The following OSBPL8 variants were observed in gnomAD, a reference collection of about 807,000 sequenced individuals.
OSBPL8 encodes the protein oxysterol binding protein like 8.
Under a neutral mutation model 125.5 loss-of-function variants are expected in OSBPL8, and 59 were observed. The ratio of observed to expected loss-of-function variants is 0.47; its 90% CI spans 0.38 to 0.58. OSBPL8 has a LOEUF of 0.58. Among genes scored for constraint, OSBPL8 ranks in the 20% least tolerant of loss-of-function variants. The pLI, the probability that OSBPL8 is intolerant of heterozygous loss-of-function variation, is 0.00. For synonymous variants in OSBPL8, 330 were observed against 338.9 expected, an observed-to-expected ratio of 0.97 and a Z score of 0.29; for missense variants, 758 against 1,047.8, an observed-to-expected ratio of 0.72 and a Z score of 3.82.
intron 4 of OSBPL8, among the ~76,000 whole-genome samples, chr12:76,449,247 GA>G (rs1376728313): frequency 6.6e-6 from 1 of 152,132 alleles, no homozygotes; most frequent in Non-Finnish European, 1.5e-5. Flanking sequence ...TTTAAAAGCA[GA>G]AGTCCTTCCA....
intron 1 of OSBPL8, among the ~76,000 whole-genome samples, chr12:76,533,611 C>T (rs960051552): frequency 6.6e-6 from 1 of 152,102 alleles, no homozygotes; most frequent in Non-Finnish European, 1.5e-5. Context: ...AACGATCAGT[C>T]TATATCAACA....
intron 21 of OSBPL8, chr12:76,366,593 T>A (rs1377026982): frequency 8.9e-6 from 4 of 449,704 alleles, no homozygotes; most frequent in Admixed American, 2.4e-5. Context: ...TTGGGTTTAG[T>A]TTTTTCTTCT....
Position 76,392,615 on chromosome 12 carries a change from G to A in OSBPL8, c.895C>T (p.Arg299Cys), listed in dbSNP as rs1204135289. The A allele has an allele frequency of 1.2e-6, 2 of 1,613,686 alleles. No homozygotes were observed. Among genetic ancestry groups the A allele is most frequent in the Non-Finnish European group, 1.7e-6 (2 of 1,179,694 alleles). Residue 299 changes from arginine (R) to cysteine (C), a missense_variant, in exon 10 of 24, where the codon CGT becomes TGT. Physicochemically the swap from Arg to Cys is radical, Grantham distance 180. Coordinates refer to ENST00000261183, the MANE Select transcript of OSBPL8 (RefSeq NM_020841.5). Reference sequence around the variant, plus strand: ...TCACCACTGTGGAGATTGTTAGCACGTAGTAAGCCATAGAAAGTCACATGT... The same window carrying A: ...TCACCACTGTGGAGATTGTTAGCACATAGTAAGCCATAGAAAGTCACATGT... The part of the protein sequence containing the change: ...STHVTFYGLL[R>C]ANNLHSGDNF...
intron 1 of OSBPL8, among the ~76,000 whole-genome samples, chr12:76,509,923 C>T (rs1473758929): frequency 6.6e-6 from 1 of 152,206 alleles, no homozygotes; most frequent in Non-Finnish European, 1.5e-5. Context: ...ATCTAGACAA[C>T]TCCCTTGATC....
intron 21 of OSBPL8, among the ~76,000 whole-genome samples, chr12:76,367,228 T>TGG (rs201766227): frequency 0.013 from 1,322 of 104,108 alleles, 7 homozygotes; most frequent in Middle Eastern, 0.054. Context: ...CTTTGTTGAT[T>TGG]GGTGTGTGTG....
At chr12:76,356,859 A>G in intron 22 of OSBPL8, 131 bp from the exon 23 acceptor site, 1 of 564,266 alleles carries the variant, frequency 1.8e-6, no homozygotes, top group Non-Finnish European at 3.1e-6. Flanking sequence ...TAATATGAAT[A>G]CTCTGCACTT....
Position 76,377,045 on chromosome 12 carries a change from G to A in OSBPL8, c.1729+1407C>T, listed in dbSNP as rs142110856. On this transcript the variant is annotated intron_variant, in intron 16 of 23. Transcript: ENST00000261183. ...GTGGTGTTTGGTTTTCTGTTTCTGT[G>A]TTAGTTTGCTGAGAATGATGGTTTC... Among the ~76,000 whole-genome samples, 1,512 of 152,174 alleles carry A rather than the reference G, an allele frequency of 9.9e-3. 30 individuals are homozygous for A. The highest frequency in any genetic ancestry group is 0.037 in the East Asian group (192 of 5,168).
chr12:76,467,689 C>G (rs563476316), intron 2 of OSBPL8, among the ~76,000 whole-genome samples: 8 of 152,060 alleles, frequency 5.3e-5, no homozygotes, highest in Non-Finnish European at 1.0e-4. Context: ...CATTAGTGCC[C>G]CCTATGTCAG....
chr12:76,366,678 T>C, intron 21 of OSBPL8: 5 of 356,922 alleles, frequency 1.4e-5, no homozygotes, highest in South Asian at 1.1e-4. Context: ...CACAGATATA[T>C]ATTTTCCTTA....
At position 76,369,724 on chromosome 12, in the gene OSBPL8, C is replaced by T; in HGVS notation, c.2153G>A (p.Arg718Lys). Residue 718 changes from arginine (R) to lysine (K), a missense_variant, in exon 20 of 24, where the codon AGG becomes AAG. This residue lies in a region of OSBPL8 where 572 missense variants were observed against 762.0 expected (regional missense o/e 0.75). Transcript: ENST00000261183. ...VLEEAQRQAA[R>K]DRKTKNEEWS... is the part of the protein sequence containing the mutation. The stretch of plus-strand genomic sequence containing the variant: ...CTCTTCATTTTTTGTTTTCCGATCC[C>T]TGGCAGCTTGTCTTTGAGCTTCTTC... 1 of 1,613,658 alleles carries T rather than the reference C, an allele frequency of 6.2e-7. No homozygotes were observed. The highest frequency in any genetic ancestry group is 1.1e-5 in the South Asian group (1 of 91,070).
Position 76,397,766 on chromosome 12 carries a change from T to C in OSBPL8, c.600A>G (p.Glu200=), listed in dbSNP as rs755468884. Reference sequence around the variant, plus strand: ...AAAAGCCATCCTTTTTTGATGGACGTTCAATGATTTCACAGGCATTCAGAA... The same window carrying C: ...AAAAGCCATCCTTTTTTGATGGACGCTCAATGATTTCACAGGCATTCAGAA... ...TVLLNACEII[E]RPSKKDGFCF... The change falls in exon 8 of 24, where the codon GAA becomes GAG. Residue 200 remains glutamate (E), a synonymous_variant. Transcript: ENST00000261183. The C allele has an allele frequency of 5.0e-6, 8 of 1,613,980 alleles. No individual in the cohort carries two copies. The highest frequency in any genetic ancestry group is 6.8e-6 in the Non-Finnish European group (8 of 1,179,994).
chr12:76,546,711 A>G (rs1950792574), intron 1 of OSBPL8, among the ~76,000 whole-genome samples: 2 of 152,198 alleles, frequency 1.3e-5, no homozygotes, highest in Admixed American at 1.3e-4. Context: ...AATGTTTAGA[A>G]TACCTGTAAA....
intron 3 of OSBPL8, among the ~76,000 whole-genome samples, chr12:76,457,460 CTA>C (rs1303176910): frequency 2.0e-5 from 3 of 152,000 alleles, no homozygotes; most frequent in Admixed American, 6.6e-5. Flanking sequence ...TTTATTTTTT[CTA>C]TGTTTCTAAG....
chr12:76,494,830 T>C (rs768621935), intron 1 of OSBPL8, among the ~76,000 whole-genome samples: 6 of 152,104 alleles, frequency 3.9e-5, no homozygotes, highest in Non-Finnish European at 8.8e-5. Flanking sequence ...AAGCAGGCAG[T>C]TGGATGTAAG....
At chr12:76,537,603 G>C (rs1414637606) in intron 1 of OSBPL8, among the ~76,000 whole-genome samples, 1 of 152,046 alleles carries the variant, frequency 6.6e-6, no homozygotes, top group Non-Finnish European at 1.5e-5. Context: ...TTCACAATGA[G>C]AAATAAAATA....
intron 1 of OSBPL8, among the ~76,000 whole-genome samples, chr12:76,508,550 T>A (rs1456558579): frequency 6.6e-6 from 1 of 152,122 alleles, no homozygotes; most frequent in Non-Finnish European, 1.5e-5. Flanking sequence ...GGTGAGGCGT[T>A]CTAAGTCACA....
At chr12:76,361,821 T>A (rs1388687841) in intron 21 of OSBPL8, among the ~76,000 whole-genome samples, 1 of 152,126 alleles carries the variant, frequency 6.6e-6, no homozygotes, top group Non-Finnish European at 1.5e-5. Context: ...ATTCAAATTA[T>A]CTCCCTCCGG....
intron 17 of OSBPL8, 181 bp from the exon 18 acceptor site, chr12:76,373,614 C>T: frequency 2.1e-6 from 1 of 468,440 alleles, no homozygotes; most frequent in Non-Finnish European, 3.7e-6. Flanking sequence ...ATCTGAATTG[C>T]TGCTATGAAA....
At chr12:76,396,421 G>A (rs116320593) in intron 8 of OSBPL8, among the ~76,000 whole-genome samples, 23 of 152,114 alleles carry the variant, frequency 1.5e-4, no homozygotes, top group African/African-American at 5.5e-4. Context: ...TTTATTCTAC[G>A]ATAGCTGGCC....
Sources: allele counts gnomAD v4.1 joint callset (sites outside exome capture counted in the v4.1 genomes callset), GRCh38; gene constraint gnomAD v4.1.1; regional missense constraint gnomAD v4.1.1; transcripts MANE v1.5; gene names NCBI Gene and HGNC (gene_info 2026-07-23, HGNC 2026-07-21).